The following ZFP91 variants were observed in gnomAD, a reference collection of about 807,000 sequenced individuals.
ZFP91 encodes ZFP91 zinc finger protein, atypical E3 ubiquitin ligase.
A neutral mutation model predicts 63.5 loss-of-function variants in ZFP91; 7 were observed. The ratio of observed to expected loss-of-function variants is 0.11; its 90% CI spans 0.06 to 0.21. The LOEUF (loss-of-function observed/expected upper bound fraction) is 0.21, where lower values mean the gene tolerates loss of function less well. Ranked by LOEUF, ZFP91 falls within the 10% of genes least tolerant of loss-of-function variation. The pLI is 1.00. For missense variants in ZFP91, 628 were observed against 736.6 expected (o/e 0.85, Z 1.71); for synonymous variants, 330 against 272.1 (o/e 1.21, Z -2.10).
chr11:58,616,621 C>T, intron 9 of ZFP91, 95 bp from the exon 10 acceptor site: 1 of 928,808 alleles, frequency 1.1e-6, no homozygotes, highest in Non-Finnish European at 1.7e-6. Flanking sequence ...TGCTTTTACT[C>T]TAAATTGCCT....
chr11:58,617,579 T>A lies in ZFP91; in HGVS notation c.1586T>A (p.Met529Lys). The change falls in exon 11 of 11, where the codon ATG (methionine) becomes AAG (lysine). Residue 529 changes from methionine (M) to lysine (K), a missense_variant. Physicochemically the swap from Met to Lys is moderately conservative, Grantham distance 95 (BLOSUM62 -1). This residue lies in a region of ZFP91 where 115 missense variants were observed against 125.4 expected (regional missense o/e 0.92). Coordinates refer to ENST00000316059, the MANE Select transcript of ZFP91 (RefSeq NM_053023.5). This position sits in a 1 kb window ranked among gnomAD's most constrained non-coding sequence, Gnocchi z 4.2. ...YCSGTERVSL[M>K]ADGKIFVGSG... ...AGTGGGACGGAACGGGTGAGCCTGA[T>A]GGCTGATGGGAAGATCTTTGTGGGA... The A allele has an allele frequency of 6.2e-7, 1 of 1,610,928 alleles. No individual in the cohort carries two copies. Among genetic ancestry groups the A allele is most frequent in the Non-Finnish European group, 8.5e-7 (1 of 1,178,646 alleles).
intron 2 of ZFP91, among the ~76,000 whole-genome samples, chr11:58,593,742 A>G (rs536816687): frequency 6.6e-6 from 1 of 152,320 alleles, no homozygotes; most frequent in South Asian, 2.1e-4. Flanking sequence ...AGACTTGGTC[A>G]AAGCAGAACA....
Position 58,612,259 on chromosome 11 carries a change from AC to A in ZFP91, c.858-16del. ...TTTGATTCAGAATATGTCTACTGTT[AC>A]CCTGTCTTCAATTACAGGAGAGGAA... On this transcript the variant is annotated intron_variant, in intron 6 of 10. Transcript: ENST00000316059. 1 of 1,612,758 alleles carries A rather than the reference AC, an allele frequency of 6.2e-7. No homozygotes were observed. Among genetic ancestry groups the A allele is most frequent in the Non-Finnish European group, 8.5e-7 (1 of 1,179,092 alleles).
intron 5 of ZFP91, chr11:58,611,305 A>G (rs187119354): frequency 7.9e-5 from 38 of 482,262 alleles, no homozygotes; most frequent in South Asian, 4.1e-4. Context: ...TCAACAAGGT[A>G]TCATGAATTG....
intron 2 of ZFP91, among the ~76,000 whole-genome samples, chr11:58,600,426 T>C (rs543331799): frequency 5.9e-5 from 9 of 152,170 alleles, no homozygotes; most frequent in African/African-American, 1.9e-4. Context: ...GCACTTTGAA[T>C]AAAGGTAATA....
chr11:58,589,714 A>G (rs1590612761), intron 2 of ZFP91, among the ~76,000 whole-genome samples: 2 of 152,232 alleles, frequency 1.3e-5, no homozygotes, highest in Admixed American at 6.5e-5. Context: ...TCTTAGTATG[A>G]GAATAATTTA....
chr11:58,610,377 A>G (rs758317993), intron 4 of ZFP91, 43 bp downstream of exon 4: 28 of 1,525,600 alleles, frequency 1.8e-5, no homozygotes, highest in Non-Finnish European at 2.4e-5. Flanking sequence ...CTTTGGGGAC[A>G]TAGCATAGTC....
chr11:58,579,403 C>A lies in ZFP91; in HGVS notation c.122C>A (p.Pro41His). Residue 41 changes from proline to histidine, a missense_variant, in exon 1 of 11, where the codon CCT (proline) becomes CAT (histidine). This residue lies in a region of ZFP91 where 437 missense variants were observed against 380.3 expected (regional missense o/e 1.15). Coordinates refer to ENST00000316059, the MANE Select transcript of ZFP91 (RefSeq NM_053023.5). ...QRPPEAVAAA[P>H]AGTTSSRVLR... ...CCCCCTGAGGCGGTCGCGGCGGCGC[C>A]TGCAGGGACCACTAGCAGCCGCGTG... is the stretch of plus-strand genomic sequence containing the variant. 1 of 1,462,810 alleles carries A rather than the reference C, an allele frequency of 6.8e-7. No homozygotes were observed. The allele number at this position is 1,462,810 out of a possible 1,614,324, so 90.6% of individuals were successfully genotyped here. A position where few individuals can be genotyped will look rare whatever the true frequency, so the allele number is the denominator to read the frequency against.
intron 2 of ZFP91, among the ~76,000 whole-genome samples, chr11:58,598,926 G>A (rs1855449751): frequency 1.3e-5 from 2 of 151,932 alleles, no homozygotes; most frequent in Admixed American, 1.3e-4. Context: ...CACCAACAAA[G>A]GAGACCCCTG....
chr11:58,582,266 G>T (rs180862114), intron 1 of ZFP91, among the ~76,000 whole-genome samples: 53 of 152,300 alleles, frequency 3.5e-4, no homozygotes, highest in Admixed American at 2.2e-3. Flanking sequence ...TACATTTTAA[G>T]ACTTAATTTT....
In ZFP91 at chr11:58,579,270, G is replaced by A. The variant is rs1301677922; in HGVS notation, c.-12G>A. The A allele has an allele frequency of 2.8e-6, 4 of 1,424,274 alleles. No individual in the cohort carries two copies. Among genetic ancestry groups the A allele is most frequent in the South Asian group, 1.5e-5 (1 of 68,548 alleles). 88.2% of individuals were successfully genotyped at this position (1,424,274 alleles called of 1,614,324 possible). A position where few individuals can be genotyped will look rare whatever the true frequency, so the allele number is the denominator to read the frequency against. ...CGCCTAGGACTAGGGGGTGGGGGAC[G>A]GACAAGCCCCGATGCCGGGGGAGAC... On this transcript the variant is annotated 5_prime_UTR_variant, in exon 1 of 11. Transcript: ENST00000316059.
In ZFP91 at chr11:58,582,820, G is replaced by A. The variant is rs893676012; in HGVS notation, c.342-2036G>A. The stretch of plus-strand genomic sequence containing the variant: ...TTCTTTTCACAATGAACTATTTAGG[G>A]GTTATTGGGAAGAGGAAATATTTGT... On this transcript the variant is annotated intron_variant, in intron 1 of 10. Coordinates refer to ENST00000316059, the MANE Select transcript of ZFP91 (RefSeq NM_053023.5). Among the ~76,000 whole-genome samples the A allele has an allele frequency of 2.6e-5, 4 of 152,162 alleles. No homozygotes were observed. In the East Asian group the frequency reaches 7.7e-4, roughly 29 times the overall value.
chr11:58,601,215 TGAAACCATCTAGAG>T lies in ZFP91; in HGVS notation c.371-8613_371-8600del, dbSNP rs1228530217. ...TTAAATGTGTGGTAGAATCAACCAA[TGAAACCATCTAGAG>T]GCTTCTGGCCTTTTTATTGGGAGCT... On this transcript the variant is annotated intron_variant, in intron 2 of 10. Transcript: ENST00000316059. Among the ~76,000 whole-genome samples the T allele has an allele frequency of 2.0e-5, 3 of 152,228 alleles. No homozygotes were observed. The East Asian group carries it at 5.8e-4, about 29-fold the overall frequency.
At position 58,618,954 on chromosome 11, in the gene ZFP91, C is replaced by CT. The variant is rs370355285; in HGVS notation, c.*1257dup. 1.1e-3 allele frequency: 259 copies of CT among 229,448 alleles called. No individual in the cohort carries two copies. The highest frequency in any genetic ancestry group is 5.1e-3 in the East Asian group (35 of 6,802). The allele number at this position is 229,448 out of a possible 1,614,324, so 14.2% of individuals were successfully genotyped here. ...GTTTCTTGTGAATTTGTTTCTTTTC[C>CT]TTTTTTTTTGTCCCTACCATTTCCT... On this transcript the variant is annotated 3_prime_UTR_variant, in exon 11 of 11. Transcript: ENST00000316059.
At chr11:58,608,351 T>A in intron 2 of ZFP91, among the ~76,000 whole-genome samples, 1 of 152,090 alleles carries the variant, frequency 6.6e-6, no homozygotes, top group South Asian at 2.1e-4. Flanking sequence ...TAGGATAAAT[T>A]TCTAGTAGTT....
intron 2 of ZFP91, among the ~76,000 whole-genome samples, chr11:58,607,832 A>G (rs554476309): frequency 1.4e-4 from 21 of 152,252 alleles, no homozygotes; most frequent in Admixed American, 3.9e-4. Flanking sequence ...ATAGTATTCA[A>G]TCATACTAAG....
At chr11:58,595,491 C>T (rs981819233) in intron 2 of ZFP91, among the ~76,000 whole-genome samples, 2 of 151,296 alleles carry the variant, frequency 1.3e-5, no homozygotes, top group African/African-American at 2.4e-5. Flanking sequence ...TTATCTCTGG[C>T]TGTAGGATTG....
intron 9 of ZFP91, among the ~76,000 whole-genome samples, chr11:58,616,042 C>G (rs1855744139): frequency 6.6e-6 from 1 of 152,200 alleles, no homozygotes; most frequent in East Asian, 1.9e-4. Context: ...TTACCACATT[C>G]ATCAGAAATC....
At chr11:58,585,515 T>G (rs1462515054) in intron 2 of ZFP91, among the ~76,000 whole-genome samples, 1 of 152,196 alleles carries the variant, frequency 6.6e-6, no homozygotes, top group Admixed American at 6.5e-5. Context: ...GCTGTGTTCC[T>G]TGATGTTAAA....
Sources: gnomAD v4.1 joint callset for allele counts (sites outside exome capture counted in the v4.1 genomes callset) on GRCh38, gnomAD v4.1.1 for gene constraint, gnomAD v4.1.1 regional missense constraint, Gnocchi (gnomAD v3.1) non-coding constraint, MANE v1.5 for transcripts, NCBI Gene and HGNC (gene_info 2026-07-23, HGNC 2026-07-21) for gene names.